Variants in PDE6A observed in about 807,000 individuals in gnomAD.
PDE6A encodes the protein phosphodiesterase 6A, also known as rod cGMP-specific 3',5'-cyclic phosphodiesterase subunit alpha.
Under a neutral mutation model 106.3 loss-of-function variants are expected in PDE6A, and 84 were observed. The observed-to-expected ratio is 0.79, with a 90% CI of 0.66 to 0.95. PDE6A has a LOEUF of 0.95. PDE6A is among the 40% of genes least tolerant of loss of function. PDE6A has a pLI of 0.00. For synonymous variants in PDE6A, 394 were observed against 386.6 expected (o/e 1.02, Z -0.23); for missense variants, 1,052 against 1,084.9 (o/e 0.97, Z 0.43).
At chr5:149,861,749 G>T (rs1760152363) in intron 21 of PDE6A, among the ~76,000 whole-genome samples, 1 of 151,934 alleles carries the variant, frequency 6.6e-6, no homozygotes, top group African/African-American at 2.4e-5. Context: ...AAAAAATGTT[G>T]GTACTGATTC....
chr5:149,937,833 CAT>C (rs2113665529), intron 1 of PDE6A, among the ~76,000 whole-genome samples: 1 of 152,294 alleles, frequency 6.6e-6, no homozygotes, highest in Non-Finnish European at 1.5e-5. Flanking sequence ...AGACAACTGA[CAT>C]ATATTATCTC....
chr5:149,925,225 T>G (rs893083699), intron 4 of PDE6A, among the ~76,000 whole-genome samples: 2 of 152,162 alleles, frequency 1.3e-5, no homozygotes, highest in African/African-American at 2.4e-5. Context: ...CCATAGAAGA[T>G]GCCTATAAAT....
chr5:149,878,389 G>A lies in PDE6A; in HGVS notation c.2135+5040C>T, dbSNP rs1377251143. On this transcript the variant is annotated intron_variant, in intron 17 of 21. Transcript: ENST00000255266. Reference sequence around the variant, plus strand: ...CTGTAAGATATTCCATTGTATGAAAGTGTTATCGTTTATTTAACCTGGTTC... The same window carrying A: ...CTGTAAGATATTCCATTGTATGAAAATGTTATCGTTTATTTAACCTGGTTC... Among the ~76,000 whole-genome samples, 4 of 152,096 alleles carry A rather than the reference G, an allele frequency of 2.6e-5. No homozygotes were observed. The East Asian group carries it at 5.8e-4, about 22-fold the overall frequency.
intron 6 of PDE6A, among the ~76,000 whole-genome samples, chr5:149,908,952 T>C (rs1264302574): frequency 6.6e-6 from 1 of 152,262 alleles, no homozygotes; most frequent in African/African-American, 2.4e-5. Context: ...ATTTATTTTA[T>C]TGTAATACAT....
chr5:149,876,352 T>C (rs1157533118), intron 17 of PDE6A, among the ~76,000 whole-genome samples: 4 of 122,958 alleles, frequency 3.3e-5, no homozygotes, highest in African/African-American at 1.4e-4. Flanking sequence ...TTTTCCTCTT[T>C]TTTTTTTTTT....
chr5:149,929,606 C>CAAAAAATAAAAAAAAA (rs1299460311), intron 4 of PDE6A, among the ~76,000 whole-genome samples: 12 of 71,432 alleles, frequency 1.7e-4, no homozygotes, highest in African/African-American at 5.8e-4. Context: ...GACTCCGTCT[C>CAAAAAATAAAAAAAAA]AAAAAATAAA....
chr5:149,881,645 T>C (rs546302812), intron 17 of PDE6A, among the ~76,000 whole-genome samples: 2 of 152,306 alleles, frequency 1.3e-5, no homozygotes, highest in South Asian at 4.1e-4. Flanking sequence ...CTGAGTGCTA[T>C]GCTCACTACC....
At chr5:149,895,905 C>T (rs1752731208) in intron 12 of PDE6A, among the ~76,000 whole-genome samples, 3 of 152,138 alleles carry the variant, frequency 2.0e-5, no homozygotes, top group Admixed American at 2.0e-4. Context: ...CAAAATCAAA[C>T]AAGTTCAGGC....
In PDE6A at chr5:149,860,933, C is replaced by T; in HGVS notation, c.2545G>A (p.Gly849Arg). The change falls in exon 22 of 22, where the codon GGG (glycine) becomes AGG (arginine). Residue 849 changes from glycine to arginine, a missense_variant. Transcript: ENST00000255266. Reference sequence around the variant, plus strand: ...CAGGACTTGGATGTAGTTGCACCCCCTGGGCTGGGGTTTCCCCCCGGCTGA... The same window carrying T: ...CAGGACTTGGATGTAGTTGCACCCCTTGGGCTGGGGTTTCCCCCCGGCTGA... ...GNQPGGNPSPGGATTSKSCCI... is the reference protein window; with the variant it reads ...GNQPGGNPSPRGATTSKSCCI... 1 of 1,614,168 alleles carries T rather than the reference C, an allele frequency of 6.2e-7. No individual in the cohort carries two copies. The highest frequency in any genetic ancestry group is 1.1e-5 in the South Asian group (1 of 91,072).
intron 1 of PDE6A, among the ~76,000 whole-genome samples, chr5:149,935,136 C>A (rs1045951445): frequency 6.6e-6 from 1 of 152,174 alleles, no homozygotes; most frequent in Non-Finnish European, 1.5e-5. Context: ...ATTTTACCTG[C>A]GTTATCTTAC....
chr5:149,904,851 T>C (rs1197275229), intron 7 of PDE6A, among the ~76,000 whole-genome samples: 1 of 152,204 alleles, frequency 6.6e-6, no homozygotes, highest in African/African-American at 2.4e-5. Context: ...CTCTCATGCT[T>C]GAAAATGAAA....
At chr5:149,884,276 A>ATG (rs1354412099) in intron 16 of PDE6A, among the ~76,000 whole-genome samples, 2 of 137,340 alleles carry the variant, frequency 1.5e-5, no homozygotes, top group South Asian at 2.1e-4. Flanking sequence ...ATATGTATAT[A>ATG]TGTGTATATA....
chr5:149,899,288 C>T, intron 9 of PDE6A, 87 bp downstream of exon 9: 4 of 1,360,550 alleles, frequency 2.9e-6, no homozygotes, highest in Non-Finnish European at 4.2e-6. Context: ...CAGGTTGCTG[C>T]CCCATGTGAT....
intron 13 of PDE6A, among the ~76,000 whole-genome samples, chr5:149,887,223 A>G (rs1752340196): frequency 6.6e-6 from 1 of 152,266 alleles, no homozygotes; most frequent in African/African-American, 2.4e-5. Flanking sequence ...CAAGTCCAAC[A>G]ATAGAACACT....
chr5:149,931,171 G>GA lies in PDE6A; in HGVS notation c.718-4dup, dbSNP rs575263004. 6,531 of 1,613,964 alleles carry GA rather than the reference G, an allele frequency of 4.0e-3. 17 individuals carry two copies. The highest frequency in any genetic ancestry group is 4.8e-3 in the Non-Finnish European group (5,712 of 1,179,932). On this transcript the variant is annotated splice_region_variant and splice_polypyrimidine_tract_variant and intron_variant, in intron 3 of 21. Coordinates refer to ENST00000255266, the MANE Select transcript of PDE6A (RefSeq NM_000440.3). ...TTGCTCCCAGACCACAGCAGTATCT[G>GA]AAAAAACACAAAAACATATTCATAG...
chr5:149,932,400 G>C, intron 3 of PDE6A: 1 of 1,366,118 alleles, frequency 7.3e-7, no homozygotes, highest in Non-Finnish European at 1.0e-6. Flanking sequence ...ACGAGGTGCT[G>C]TTTTTAGTGC....
At chr5:149,892,773 A>G (rs1310055016) in intron 13 of PDE6A, among the ~76,000 whole-genome samples, 1 of 151,872 alleles carries the variant, frequency 6.6e-6, no homozygotes, top group Non-Finnish European at 1.5e-5. Context: ...GAGCCACTGC[A>G]CCCAGCCTGT....
At position 149,914,983 on chromosome 5, in the gene PDE6A, C is replaced by A; in HGVS notation, c.958G>T (p.Asp320Tyr). 6.3e-7 allele frequency: 1 copy of A among 1,581,302 alleles called. No individual in the cohort carries two copies. The highest frequency in any genetic ancestry group is 8.7e-7 in the Non-Finnish European group (1 of 1,155,348). Reference protein sequence around the residue: ...GREINFYKVIDYILHGKEDIK... With the variant: ...GREINFYKVIYYILHGKEDIK... ...TCCTCTTTGCCATGCAGGATGTAGT[C>A]AATGACCTTGTAAAAGTTAATTTCC... The change falls in exon 6 of 22, where the codon GAC becomes TAC. Residue 320 changes from aspartate to tyrosine, a missense_variant. Transcript: ENST00000255266.
In PDE6A at chr5:149,885,047, A is replaced by G. The variant is rs76133241; in HGVS notation, c.1839-180T>C. Among the ~76,000 whole-genome samples the G allele has an allele frequency of 1.7e-3, 254 of 152,320 alleles. 9 individuals are homozygous for G. The East Asian group carries it at 0.047, about 28-fold the overall frequency. On this transcript the variant is annotated intron_variant, in intron 14 of 21. Transcript: ENST00000255266. ...ACCCCTTCCCCAGAGAAAGCCACAA[A>G]CACACACAATGCCATAAGGGATTTT...
Sources: allele counts gnomAD v4.1 joint callset (sites outside exome capture counted in the v4.1 genomes callset), GRCh38; gene constraint gnomAD v4.1.1; transcripts MANE v1.5; gene names NCBI Gene and HGNC (gene_info 2026-07-23, HGNC 2026-07-21).